Variants in ZFR2 observed in about 807,000 individuals in gnomAD.
The protein encoded by ZFR2 is zinc finger RNA-binding protein 2.
In ZFR2, 104 loss-of-function variants were observed where a neutral mutation model predicts 105.7. That is an observed-to-expected ratio of 0.98 (90% confidence interval 0.84 to 1.16). ZFR2 has a LOEUF of 1.16. Among genes scored for constraint, ZFR2 ranks in the 50% most tolerant of loss-of-function variants. ZFR2 has a pLI of 0.00. For synonymous variants in ZFR2, 634 were observed against 597.7 expected (o/e 1.06, Z -0.89); for missense variants, 1,425 against 1,355.5 (o/e 1.05, Z -0.80).
rs1486276084 is a variant in ZFR2 at position 3,834,792 on chromosome 19, G to A, written c.245C>T (p.Thr82Ile). Reference protein sequence around the residue: ...SRPQEPVPTATTMATYQDSYS... With the variant: ...SRPQEPVPTAITMATYQDSYS... ...GGATACCTGGTAGGTAGCCATGGTG[G>A]TGGCCGTGGGGACGGGCTCCTGGGG... Residue 82 changes from threonine to isoleucine, a missense_variant, in exon 2 of 19, where the codon ACC becomes ATC. Transcript: ENST00000262961. The surrounding 1 kb of genome is among the most constrained non-coding windows in gnomAD (Gnocchi z 5.3). The A allele has an allele frequency of 2.4e-5, 39 of 1,612,126 alleles. No individual in the cohort carries two copies. The highest frequency in any genetic ancestry group is 2.8e-5 in the Non-Finnish European group (33 of 1,179,798).
Position 3,822,184 on chromosome 19 carries a change from C to T in ZFR2, c.1388G>A (p.Gly463Glu). 1 of 1,598,888 alleles carries T rather than the reference C, an allele frequency of 6.3e-7. No individual in the cohort carries two copies. The highest frequency in any genetic ancestry group is 1.1e-5 in the South Asian group (1 of 88,344). Reference sequence around the variant, plus strand: ...CTTGCAGTGGAAGCGAAGCACTCGCCCTTCGTCGCTGAACACCTGAGACAC... The same window carrying T: ...CTTGCAGTGGAAGCGAAGCACTCGCTCTTCGTCGCTGAACACCTGAGACAC... Reference protein sequence around the residue: ...EYVEEVFSDEGRVLRFHCKLC... With the variant: ...EYVEEVFSDEERVLRFHCKLC... The change falls in exon 9 of 19, where the codon GGG becomes GAG. Residue 463 changes from glycine to glutamate, a missense_variant. By Grantham distance (98) the Gly-to-Glu change is moderately conservative (BLOSUM62 -2). Coordinates refer to ENST00000262961, the MANE Select transcript of ZFR2 (RefSeq NM_015174.2).
At chr19:3,862,588 G>A (rs1231721127) in intron 1 of ZFR2, among the ~76,000 whole-genome samples, 9 of 152,168 alleles carry the variant, frequency 5.9e-5, no homozygotes, top group East Asian at 1.9e-4. Flanking sequence ...GTGAGCCACC[G>A]TGCCTGGCCT....
Position 3,821,369 on chromosome 19 carries a change from C to T in ZFR2, c.1602G>A (p.Glu534=). ...KQRHLAEERL[E]QLRRWHAERR... The stretch of plus-strand genomic sequence containing the variant: ...TCTCCGCGTGCCAGCGCCGCAGCTG[C>T]TCCAGCCGCTCCTCCGCCAGGTGCC... The change falls in exon 10 of 19, where the codon GAG becomes GAA. Residue 534 remains glutamate, a synonymous_variant. Transcript: ENST00000262961. 2 of 1,606,760 alleles carry T rather than the reference C, an allele frequency of 1.2e-6. No individual in the cohort carries two copies. Among genetic ancestry groups the T allele is most frequent in the Non-Finnish European group, 1.7e-6 (2 of 1,177,828 alleles).
intron 12 of ZFR2, 86 bp downstream of exon 12, chr19:3,818,959 T>C: frequency 6.7e-7 from 1 of 1,494,726 alleles, no homozygotes; most frequent in Non-Finnish European, 9.0e-7. Flanking sequence ...CCATCAGAGC[T>C]AGGGGTTCCT....
chr19:3,836,544 AT>A (rs559915681), intron 1 of ZFR2, among the ~76,000 whole-genome samples: 1 of 151,936 alleles, frequency 6.6e-6, no homozygotes, highest in Admixed American at 6.6e-5. Flanking sequence ...CTCTGACTGT[AT>A]TTTTTTTAAC....
intron 1 of ZFR2, among the ~76,000 whole-genome samples, chr19:3,835,506 T>G (rs1393660014): frequency 4.1e-5 from 6 of 146,698 alleles, no homozygotes; most frequent in African/African-American, 1.5e-4. Flanking sequence ...TTTTTTTTTT[T>G]GTATTTTTAG....
chr19:3,867,087 T>C (rs1271333971), intron 1 of ZFR2, among the ~76,000 whole-genome samples: 1 of 152,064 alleles, frequency 6.6e-6, no homozygotes, highest in Non-Finnish European at 1.5e-5. Flanking sequence ...CGCGGGAAGC[T>C]GAAACACCAG....
chr19:3,868,475 G>A (rs1241780535), intron 1 of ZFR2, among the ~76,000 whole-genome samples: 1 of 151,568 alleles, frequency 6.6e-6, no homozygotes, highest in Non-Finnish European at 1.5e-5. Flanking sequence ...GCAATCAGGG[G>A]TCAGCTCCCC....
At position 3,846,995 on chromosome 19, in the gene ZFR2, C is replaced by T. The variant is rs772360978; in HGVS notation, c.54-12012G>A. 5.3e-5 allele frequency among the ~76,000 whole-genome samples: 8 copies of T among 152,308 alleles called. No individual in the cohort carries two copies. In the South Asian group the frequency reaches 1.2e-3, roughly 24 times the overall value. On this transcript the variant is annotated intron_variant, in intron 1 of 18. Transcript: ENST00000262961. ...GAGGTTGCCAATGAGAGGTCAGCGGCGGGCAGCAGGATCTGCTTCCAAGAT... is the reference window on the plus strand; with the variant it reads ...GAGGTTGCCAATGAGAGGTCAGCGGTGGGCAGCAGGATCTGCTTCCAAGAT...
At position 3,813,572 on chromosome 19, in the gene ZFR2, CCGAGCAAG is replaced by C. The variant is rs2145136873; in HGVS notation, c.2242+240_2242+247del. ...AGGGAGGTGACACGGTGTCGCTTGC[CCGAGCAAG>C]GCCCCTGCAGCCAGGCTCTGAGCCC... On this transcript the variant is annotated intron_variant, in intron 14 of 18. Coordinates refer to ENST00000262961, the MANE Select transcript of ZFR2 (RefSeq NM_015174.2). The surrounding 1 kb of genome is among the most constrained non-coding windows in gnomAD (Gnocchi z 4.4). Among the ~76,000 whole-genome samples, 1 of 152,322 alleles carries C rather than the reference CCGAGCAAG, an allele frequency of 6.6e-6. No individual in the cohort carries two copies. The highest frequency in any genetic ancestry group is 6.5e-5 in the Admixed American group (1 of 15,298).
chr19:3,832,640 T>A (rs527257615), intron 3 of ZFR2, among the ~76,000 whole-genome samples: 35 of 145,478 alleles, frequency 2.4e-4, no homozygotes, highest in Non-Finnish European at 4.3e-4. Flanking sequence ...TTTTTTTTTT[T>A]ATTTTTTATT....
chr19:3,826,944 T>C (rs1048338902), intron 6 of ZFR2, among the ~76,000 whole-genome samples: 10 of 152,070 alleles, frequency 6.6e-5, no homozygotes, highest in Admixed American at 6.6e-4. Flanking sequence ...GGAACCCTTT[T>C]TATAAGTGGA....
chr19:3,832,891 G>A (rs1022537807), intron 3 of ZFR2, among the ~76,000 whole-genome samples: 3 of 150,156 alleles, frequency 2.0e-5, no homozygotes, highest in Non-Finnish European at 4.4e-5. Flanking sequence ...CTCCCACCTC[G>A]GGCCTCCCAA....
At chr19:3,810,664 GGTCT>G in intron 16 of ZFR2, 82 bp downstream of exon 16, 1 of 1,304,240 alleles carries the variant, frequency 7.7e-7, no homozygotes, top group East Asian at 2.6e-5. Flanking sequence ...CGAGGGAAAA[GGTCT>G]GTCTCTCAGC....
At chr19:3,831,912 A>T in intron 3 of ZFR2, 34 bp from the exon 4 acceptor site, 5 of 1,475,040 alleles carry the variant, frequency 3.4e-6, no homozygotes, top group Non-Finnish European at 4.5e-6. Context: ...TGCAGAGCCA[A>T]CCCCCACCCC....
chr19:3,835,050 CG>C (rs1413740069), intron 1 of ZFR2, 67 bp from the exon 2 acceptor site: 1 of 1,522,462 alleles, frequency 6.6e-7, no homozygotes, highest in Admixed American at 1.9e-5. Flanking sequence ...ACTGAGTTGA[CG>C]GTGTCAATTC....
chr19:3,831,474 C>CG lies in ZFR2; in HGVS notation c.680dup (p.Pro229ThrfsTer180). 1.3e-6 allele frequency: 2 copies of CG among 1,548,146 alleles called. No individual in the cohort carries two copies. The highest frequency in any genetic ancestry group is 1.7e-6 in the Non-Finnish European group (2 of 1,146,448). Reference sequence around the variant, plus strand: ...GCGGGGGCAGCTGCTGCGGGGGTCCCGGGGGAGGCGGGGGCTGCGCTGGAG... The same window carrying CG: ...GCGGGGGCAGCTGCTGCGGGGGTCCCGGGGGGAGGCGGGGGCTGCGCTGGAG... On this transcript the variant is annotated frameshift_variant, in exon 5 of 19. Coordinates refer to ENST00000262961, the MANE Select transcript of ZFR2 (RefSeq NM_015174.2). LOFTEE classifies it high-confidence loss of function.
Position 3,831,817 on chromosome 19 carries a change from T to TG in ZFR2, c.440dup (p.Gln148ThrfsTer60). On this transcript the variant is annotated frameshift_variant, in exon 4 of 19. Coordinates refer to ENST00000262961, the MANE Select transcript of ZFR2 (RefSeq NM_015174.2). LOFTEE classifies it high-confidence loss of function. The stretch of plus-strand genomic sequence containing the variant: ...CGGACTCCACTATGGGCGCCTGCTG[T>TG]GGGGGCTGAGCGTGGCTGTGACTGC... The TG allele has an allele frequency of 6.2e-7, 1 of 1,608,188 alleles. No homozygotes were observed.
intron 5 of ZFR2, 31 bp from the exon 6 acceptor site, chr19:3,827,684 G>A (rs751879636): frequency 2.9e-5 from 46 of 1,560,352 alleles, no homozygotes; most frequent in Admixed American, 3.8e-5. Flanking sequence ...CAGCCTGGGC[G>A]GGGGTTTGCA....
Sources: allele counts gnomAD v4.1 joint callset (sites outside exome capture counted in the v4.1 genomes callset), GRCh38; gene constraint gnomAD v4.1.1; non-coding constraint Gnocchi (gnomAD v3.1); transcripts MANE v1.5; gene names NCBI Gene and HGNC (gene_info 2026-07-23, HGNC 2026-07-21).